PXDNL: variants seen among roughly 807,000 people sequenced by gnomAD.
PXDNL encodes the protein probable oxidoreductase PXDNL.
Under a neutral mutation model 150.8 loss-of-function variants are expected in PXDNL, and 145 were observed. That is an observed-to-expected ratio of 0.96 (90% CI 0.84 to 1.10). PXDNL has a LOEUF of 1.10. PXDNL is among the 50% of genes least tolerant of loss of function. The pLI is 0.00. For synonymous variants in PXDNL, 757 were observed against 725.7 expected (o/e 1.04, Z -0.69); for missense variants, 2,087 against 1,873.9 (o/e 1.11, Z -2.10).
At chr8:51,711,905 T>C (rs1431609783) in intron 1 of PXDNL, among the ~76,000 whole-genome samples, 1 of 152,244 alleles carries the variant, frequency 6.6e-6, no homozygotes, top group Admixed American at 6.5e-5. Flanking sequence ...TTGTTCTAGG[T>C]CCTGCTGCTT....
intron 4 of PXDNL, among the ~76,000 whole-genome samples, chr8:51,529,465 C>A (rs1315344261): frequency 2.6e-5 from 4 of 152,168 alleles, no homozygotes; most frequent in Non-Finnish European, 5.9e-5. Context: ...TCTGGGAAGC[C>A]TCCCCTAGGA....
chr8:51,513,076 A>G (rs1395855237), intron 4 of PXDNL, among the ~76,000 whole-genome samples: 1 of 152,252 alleles, frequency 6.6e-6, no homozygotes, highest in Non-Finnish European at 1.5e-5. Flanking sequence ...AATCAATTGT[A>G]CATAACCATC....
intron 17 of PXDNL, among the ~76,000 whole-genome samples, chr8:51,382,030 GT>G (rs367801123): frequency 7.9e-5 from 12 of 152,052 alleles, no homozygotes; most frequent in African/African-American, 2.7e-4. Context: ...CAGAGACGGG[GT>G]TTCACCATGT....
intron 4 of PXDNL, among the ~76,000 whole-genome samples, chr8:51,527,072 T>A (rs1179087951): frequency 6.6e-6 from 1 of 152,234 alleles, no homozygotes; most frequent in African/African-American, 2.4e-5. Flanking sequence ...ATTTGACTCA[T>A]TTTTAAAAAG....
intron 1 of PXDNL, among the ~76,000 whole-genome samples, chr8:51,680,128 A>G (rs1475636385): frequency 1.3e-5 from 2 of 152,200 alleles, no homozygotes; most frequent in African/African-American, 4.8e-5. Flanking sequence ...GGAGCATCCA[A>G]GTCTTGAGGC....
chr8:51,347,733 G>A (rs1444773063), intron 19 of PXDNL, among the ~76,000 whole-genome samples: 3 of 148,400 alleles, frequency 2.0e-5, no homozygotes, highest in East Asian at 1.9e-4. Flanking sequence ...ATGAGCCACC[G>A]CGCCCGACCT....
chr8:51,729,070 C>A (rs1008095111), intron 1 of PXDNL, among the ~76,000 whole-genome samples: 1 of 152,164 alleles, frequency 6.6e-6, no homozygotes, highest in Non-Finnish European at 1.5e-5. Flanking sequence ...AGTACAGTAA[C>A]ATGCTGTATA....
chr8:51,752,842 T>C (rs2037059725), intron 1 of PXDNL, among the ~76,000 whole-genome samples: 1 of 152,204 alleles, frequency 6.6e-6, no homozygotes, highest in Non-Finnish European at 1.5e-5. Context: ...ACCTCTCAGC[T>C]CCTTGTGAAT....
At chr8:51,661,967 T>C (rs1815280573) in intron 1 of PXDNL, among the ~76,000 whole-genome samples, 4 of 152,094 alleles carry the variant, frequency 2.6e-5, no homozygotes, top group Admixed American at 2.6e-4. Context: ...CAAACAACTT[T>C]GTAAAAGTTC....
intron 17 of PXDNL, among the ~76,000 whole-genome samples, chr8:51,383,160 A>T (rs1807599760): frequency 6.6e-6 from 1 of 152,152 alleles, no homozygotes; most frequent in South Asian, 2.1e-4. Flanking sequence ...TTATTAATTC[A>T]TCTGCATTAC....
intron 3 of PXDNL, among the ~76,000 whole-genome samples, chr8:51,567,158 T>A (rs989733094): frequency 6.6e-6 from 1 of 151,782 alleles, no homozygotes; most frequent in African/African-American, 2.4e-5. Flanking sequence ...ATGCTTTCTA[T>A]TTTTTTAATT....
intron 3 of PXDNL, among the ~76,000 whole-genome samples, chr8:51,573,511 G>A (rs1042013821): frequency 3.9e-5 from 6 of 151,948 alleles, no homozygotes; most frequent in African/African-American, 1.4e-4. Context: ...CATATGGGGA[G>A]CAATAATAAA....
chr8:51,404,814 G>A (rs1485918384), intron 17 of PXDNL, among the ~76,000 whole-genome samples: 1 of 152,252 alleles, frequency 6.6e-6, no homozygotes, highest in Admixed American at 6.5e-5. Flanking sequence ...GTCCCACGCA[G>A]TGCGCCGGCA....
chr8:51,647,842 T>C (rs946912847), intron 2 of PXDNL, among the ~76,000 whole-genome samples: 2 of 152,214 alleles, frequency 1.3e-5, no homozygotes, highest in Non-Finnish European at 2.9e-5. Flanking sequence ...TTATTTTTAA[T>C]ATTTATTATT....
chr8:51,799,994 T>C (rs1447970133), intron 1 of PXDNL, among the ~76,000 whole-genome samples: 6 of 152,208 alleles, frequency 3.9e-5, no homozygotes, highest in African/African-American at 1.4e-4. Flanking sequence ...GTCTTTGGAA[T>C]CTATTTTCCT....
intron 4 of PXDNL, among the ~76,000 whole-genome samples, chr8:51,537,821 G>A (rs1812116203): frequency 6.6e-6 from 1 of 151,654 alleles, no homozygotes; most frequent in African/African-American, 2.4e-5. Flanking sequence ...TTTTTTTCAT[G>A]CGGTGCCCAA....
chr8:51,532,526 A>G (rs1333677840), intron 4 of PXDNL, among the ~76,000 whole-genome samples: 5 of 152,230 alleles, frequency 3.3e-5, no homozygotes, highest in African/African-American at 1.2e-4. Context: ...TATTATTGCT[A>G]TTTCAGTAGA....
intron 1 of PXDNL, among the ~76,000 whole-genome samples, chr8:51,693,528 C>G (rs1030145672): frequency 6.6e-6 from 1 of 152,174 alleles, no homozygotes; most frequent in Non-Finnish European, 1.5e-5. Flanking sequence ...AATCCCAACA[C>G]TCTGGGAGGC....
chr8:51,652,057 G>A (rs987513692), intron 2 of PXDNL, among the ~76,000 whole-genome samples: 2 of 152,080 alleles, frequency 1.3e-5, no homozygotes, highest in South Asian at 4.1e-4. Context: ...TAGAAGCAAT[G>A]TGGTTGGCAT....
Sources: allele counts gnomAD v4.1 joint callset (sites outside exome capture counted in the v4.1 genomes callset), GRCh38; gene constraint gnomAD v4.1.1; transcripts MANE v1.5; gene names NCBI Gene and HGNC (gene_info 2026-07-23, HGNC 2026-07-21).